The following DENND2A variants were observed in gnomAD, a reference collection of about 807,000 sequenced individuals.
DENND2A encodes DENN domain-containing protein 2A.
A neutral mutation model predicts 105.3 loss-of-function variants in DENND2A; 53 were observed. The observed-to-expected ratio is 0.50, with a 90% CI of 0.40 to 0.63. DENND2A has a LOEUF of 0.63. DENND2A is among the 30% of genes least tolerant of loss of function. The probability of loss-of-function intolerance (pLI) is 0.00; values close to 1 mark genes in which losing one functional copy is unlikely to be tolerated. For synonymous variants in DENND2A, 522 were observed against 508.4 expected, an observed-to-expected ratio of 1.03 and a Z score of -0.36; for missense variants, 1,138 against 1,279.6, an observed-to-expected ratio of 0.89 and a Z score of 1.69.
chr7:140,530,286 A>C (rs1040017984), intron 14 of DENND2A, among the ~76,000 whole-genome samples: 6 of 152,218 alleles, frequency 3.9e-5, no homozygotes, highest in Admixed American at 3.3e-4. Flanking sequence ...ATGACAATTA[A>C]AAATAATTAA....
At chr7:140,629,470 G>A (rs973715523) in intron 1 of DENND2A, among the ~76,000 whole-genome samples, 1 of 152,120 alleles carries the variant, frequency 6.6e-6, no homozygotes, top group African/African-American at 2.4e-5. Flanking sequence ...TGCTAGGACA[G>A]GAGCACCAGG....
chr7:140,538,406 C>T (rs749889091), intron 14 of DENND2A, among the ~76,000 whole-genome samples: 32 of 152,158 alleles, frequency 2.1e-4, no homozygotes, highest in African/African-American at 6.8e-4. Flanking sequence ...CTTTCTGCCA[C>T]GTGAGCGGAG....
chr7:140,586,702 C>A (rs1450632880), intron 4 of DENND2A, among the ~76,000 whole-genome samples: 2 of 152,202 alleles, frequency 1.3e-5, no homozygotes, highest in Non-Finnish European at 2.9e-5. Flanking sequence ...CATTTTAGAT[C>A]TGGGAATCCC....
chr7:140,578,794 A>T (rs1344240968), intron 5 of DENND2A, among the ~76,000 whole-genome samples: 1 of 152,216 alleles, frequency 6.6e-6, no homozygotes, highest in African/African-American at 2.4e-5. Context: ...GAATCGCTTG[A>T]ACCCAGGAGG....
chr7:140,636,973 C>T (rs1237683780), intron 1 of DENND2A, among the ~76,000 whole-genome samples: 1 of 152,086 alleles, frequency 6.6e-6, no homozygotes, highest in Non-Finnish European at 1.5e-5. Context: ...GATTCTCCTG[C>T]CTCAGCCTCC....
At chr7:140,603,989 A>C (rs1328765696) in intron 2 of DENND2A, among the ~76,000 whole-genome samples, 1 of 152,248 alleles carries the variant, frequency 6.6e-6, no homozygotes, top group African/African-American at 2.4e-5. Flanking sequence ...TGAAGGAAAA[A>C]CATTTTTAAA....
At position 140,523,553 on chromosome 7, in the gene DENND2A, C is replaced by A; in HGVS notation, c.2548-129G>T. The A allele has an allele frequency of 1.3e-6, 1 of 742,614 alleles. No individual in the cohort carries two copies. Among genetic ancestry groups the A allele is most frequent in the East Asian group, 2.7e-5 (1 of 37,566 alleles). 46.0% of individuals were successfully genotyped at this position (742,614 alleles called of 1,614,324 possible). ...TTCATGGAAGGAATACAACTGAAAG[C>A]CAGAGGTCTGAGGTTTCAATCTTGA... On this transcript the variant is annotated intron_variant, in intron 16 of 19. Transcript: ENST00000496613. The surrounding 1 kb of genome is among the most constrained non-coding windows in gnomAD (Gnocchi z 4.5).
chr7:140,601,626 G>C lies in DENND2A; in HGVS notation c.772C>G (p.Pro258Ala), dbSNP rs779818540. The C allele has an allele frequency of 6.2e-7, 1 of 1,613,388 alleles. No homozygotes were observed. The highest frequency in any genetic ancestry group is 1.1e-5 in the South Asian group (1 of 91,008). The change falls in exon 3 of 20, where the codon CCC (proline) becomes GCC (alanine). Residue 258 changes from proline to alanine, a missense_variant. Pro to Ala is a conservative substitution (Grantham distance 27). This residue lies in a region of DENND2A where 511 missense variants were observed against 499.9 expected (regional missense o/e 1.02). Transcript: ENST00000496613. ...AGAGGGTTGATGAAGGGCTTTGTGG[G>C]GGAACCCTCCGAGCCCCTATACACG... is the stretch of plus-strand genomic sequence containing the variant. ...ENVYRGSEGS[P>A]TKPFINPLPK...
At chr7:140,534,081 A>AT (rs3042407) in intron 14 of DENND2A, among the ~76,000 whole-genome samples, 43,507 of 79,980 alleles carry the variant, frequency 0.54, 13,946 homozygotes, top group East Asian at 0.91. Flanking sequence ...TGCCTGGTTA[A>AT]TTTTTTTTTT....
chr7:140,595,223 T>A (rs1288795086), intron 3 of DENND2A, among the ~76,000 whole-genome samples: 1 of 151,156 alleles, frequency 6.6e-6, no homozygotes, highest in Non-Finnish European at 1.5e-5. Context: ...GCCAGGCTGG[T>A]CTCAAACTCC....
chr7:140,563,794 GAAGA>G (rs1307430749), intron 9 of DENND2A, among the ~76,000 whole-genome samples: 1 of 150,730 alleles, frequency 6.6e-6, no homozygotes, highest in African/African-American at 2.4e-5. Context: ...GGCAACAGAG[GAAGA>G]CCTCGTCTCT....
In DENND2A at chr7:140,538,782, AG is replaced by A. The variant is rs541797099; in HGVS notation, c.2327+5835del. On this transcript the variant is annotated intron_variant, in intron 14 of 19. Transcript: ENST00000496613. ...TGGCCTCCCAAAGTGCTGGGATTAC[AG>A]GGATGAGCAATTGCACCTGGCCCTT... Among the ~76,000 whole-genome samples the A allele has an allele frequency of 2.8e-4, 43 of 151,932 alleles. 1 individual carries two copies. The South Asian group carries it at 7.9e-3, about 28-fold the overall frequency.
In DENND2A at chr7:140,602,157, C is replaced by T; in HGVS notation, c.241G>A (p.Glu81Lys). 1 of 1,614,220 alleles carries T rather than the reference C, an allele frequency of 6.2e-7. No homozygotes were observed. The highest frequency in any genetic ancestry group is 8.5e-7 in the Non-Finnish European group (1 of 1,180,046). ...QEDYLPSSTV[E>K]RRSSDGVRTQ... The stretch of plus-strand genomic sequence containing the variant: ...CTCACCCCATCACTACTCCTCCTCT[C>T]CACCGTAGAGGACGGCAGATAATCC... The change falls in exon 3 of 20, where the codon GAG becomes AAG. Residue 81 changes from glutamate (E) to lysine (K), a missense_variant. Transcript: ENST00000496613.
Position 140,594,200 on chromosome 7 carries a change from GC to G in DENND2A, c.996-6421del, listed in dbSNP as rs200878125. On this transcript the variant is annotated intron_variant, in intron 3 of 19. Transcript: ENST00000496613. ...TGGGATTACAAGCGTGAGCCACCGT[GC>G]CCGGCCTTAAACATGCAAATCTGAT... 7.3e-3 allele frequency among the ~76,000 whole-genome samples: 1,109 copies of G among 152,242 alleles called. 7 individuals carry two copies. The highest frequency in any genetic ancestry group is 0.012 in the Non-Finnish European group (796 of 68,000).
At chr7:140,522,129 G>A (rs201876576) in intron 17 of DENND2A, 29 bp from the exon 18 acceptor site, 164 of 1,612,500 alleles carry the variant, frequency 1.0e-4, no homozygotes, top group Non-Finnish European at 1.3e-4. Context: ...GGCCAGGAAC[G>A]GTGAGGGCAG....
chr7:140,547,981 G>A (rs908156657), intron 12 of DENND2A, among the ~76,000 whole-genome samples: 4 of 152,164 alleles, frequency 2.6e-5, no homozygotes, highest in South Asian at 2.1e-4. Context: ...AGGGAGTGGC[G>A]GCTAATAGGT....
chr7:140,523,187 G>T lies in DENND2A; in HGVS notation c.2665+120C>A. 1 of 863,284 alleles carries T rather than the reference G, an allele frequency of 1.2e-6. No individual in the cohort carries two copies. The highest frequency in any genetic ancestry group is 1.9e-6 in the Non-Finnish European group (1 of 528,946). 53.5% of individuals were successfully genotyped at this position (863,284 alleles called of 1,614,324 possible). On this transcript the variant is annotated intron_variant, in intron 17 of 19. Coordinates refer to ENST00000496613, the MANE Select transcript of DENND2A (RefSeq NM_015689.5). This position sits in a 1 kb window ranked among gnomAD's most constrained non-coding sequence, Gnocchi z 4.5. ...ATCCAGATAAACAGAATGAGGCCCT[G>T]GTTTCTCTCCTTATGTCTCCCTTGC...
chr7:140,525,835 T>G (rs774150429), intron 15 of DENND2A, 43 bp from the exon 16 acceptor site: 5 of 1,553,426 alleles, frequency 3.2e-6, no homozygotes, highest in Non-Finnish European at 4.4e-6. Flanking sequence ...CACCAGGGCT[T>G]CTGGGATAGG....
intron 14 of DENND2A, among the ~76,000 whole-genome samples, chr7:140,532,533 C>T (rs561034457): frequency 4.6e-5 from 7 of 152,312 alleles, no homozygotes; most frequent in African/African-American, 1.7e-4. Flanking sequence ...TTCACAGTTA[C>T]AGAATGACAG....
Sources: gnomAD v4.1 joint callset for allele counts (sites outside exome capture counted in the v4.1 genomes callset) on GRCh38, gnomAD v4.1.1 for gene constraint, gnomAD v4.1.1 regional missense constraint, Gnocchi (gnomAD v3.1) non-coding constraint, MANE v1.5 for transcripts, NCBI Gene and HGNC (gene_info 2026-07-23, HGNC 2026-07-21) for gene names.